ACTN4: variants seen among roughly 807,000 people sequenced by gnomAD.
ACTN4 encodes the protein actinin alpha 4.
ACTN4 carries 18 observed loss-of-function variants against 114.2 expected under a neutral mutation model. The observed-to-expected ratio is 0.16, with a 90% confidence interval of 0.11 to 0.23. The LOEUF (loss-of-function observed/expected upper bound fraction) is 0.23, where lower values mean the gene tolerates loss of function less well. Among genes scored for constraint, ACTN4 ranks in the 10% least tolerant of loss-of-function variants. The pLI is 1.00. For missense variants in ACTN4, 722 were observed against 1,262.9 expected (o/e 0.57, Z 6.49); for synonymous variants, 515 against 506.3 (o/e 1.02, Z -0.23).
In ACTN4 at chr19:38,710,338, A is replaced by G. The variant is rs1175215252; in HGVS notation, c.815A>G (p.Gln272Arg). ...TTCTACCATGCCTTTTCAGGAGCGCAGAAGGTACCGAGCAGGGCCAGGCAG... is the reference window on the plus strand; with the variant it reads ...TTCTACCATGCCTTTTCAGGAGCGCGGAAGGTACCGAGCAGGGCCAGGCAG... ...SSFYHAFSGA[Q>R]KAETAANRIC... is the part of the protein sequence containing the mutation. Residue 272 changes from glutamine (Q) to arginine (R), a missense_variant, in exon 8 of 21, where the codon CAG (glutamine) becomes CGG (arginine). Coordinates refer to ENST00000252699, the MANE Select transcript of ACTN4 (RefSeq NM_004924.6). 1 of 1,613,680 alleles carries G rather than the reference A, an allele frequency of 6.2e-7. No individual in the cohort carries two copies. The highest frequency in any genetic ancestry group is 1.7e-5 in the Admixed American group (1 of 60,032).
intron 1 of ACTN4, among the ~76,000 whole-genome samples, chr19:38,683,697 G>A (rs999962286): frequency 1.4e-4 from 22 of 152,210 alleles, no homozygotes; most frequent in Admixed American, 1.2e-3. Context: ...ATTTGGTATG[G>A]GGTCAGTTAA....
intron 1 of ACTN4, among the ~76,000 whole-genome samples, chr19:38,697,403 T>A (rs1968131152): frequency 6.6e-6 from 1 of 152,280 alleles, no homozygotes; most frequent in African/African-American, 2.4e-5. Context: ...TGGCTCTTAC[T>A]TTATGCCAAG....
At chr19:38,712,003 A>G (rs966127856) in intron 8 of ACTN4, among the ~76,000 whole-genome samples, 6 of 152,208 alleles carry the variant, frequency 3.9e-5, no homozygotes, top group African/African-American at 1.4e-4. Flanking sequence ...TCTCTGAAGT[A>G]TCTCAGGCAG....
At chr19:38,651,439 C>T (rs965105542) in intron 1 of ACTN4, among the ~76,000 whole-genome samples, 1 of 152,180 alleles carries the variant, frequency 6.6e-6, no homozygotes, top group Admixed American at 6.5e-5. Flanking sequence ...GGCCACAGTT[C>T]CCTCTCCCAA....
chr19:38,720,413 C>T (rs1969000580), intron 11 of ACTN4, among the ~76,000 whole-genome samples: 2 of 152,242 alleles, frequency 1.3e-5, no homozygotes, highest in Non-Finnish European at 2.9e-5. Context: ...GTTCCTGCCC[C>T]TGGGAGAAAG....
Position 38,727,602 on chromosome 19 carries a change from A to C in ACTN4, c.2338-344A>C, listed in dbSNP as rs944035927. Among the ~76,000 whole-genome samples the C allele has an allele frequency of 2.4e-4, 34 of 142,070 alleles. No individual in the cohort carries two copies. Among genetic ancestry groups the C allele is most frequent in the Admixed American group, 3.5e-4 (5 of 14,248 alleles). 93.2% of individuals were successfully genotyped at this position (142,070 alleles called of 152,430 possible). On this transcript the variant is annotated intron_variant, in intron 18 of 20. Transcript: ENST00000252699. The surrounding 1 kb of genome is among the most constrained non-coding windows in gnomAD (Gnocchi z 5.4). ...GACAGGATACAGTCCCCTCTGTCCC[A>C]CTCCAAATCCCAAAGGCAAGGAGAA... is the stretch of plus-strand genomic sequence containing the variant.
At chr19:38,665,917 G>A (rs1417452252) in intron 1 of ACTN4, among the ~76,000 whole-genome samples, 2 of 152,282 alleles carry the variant, frequency 1.3e-5, no homozygotes, top group East Asian at 1.9e-4. Flanking sequence ...CCACAGCCTG[G>A]AGTCAGGCTG....
chr19:38,728,481 GCTTCCTCGTCCT>G (rs1474581559), intron 19 of ACTN4: 1 of 770,106 alleles, frequency 1.3e-6, no homozygotes, highest in Admixed American at 3.1e-5. Context: ...CGCCTCCAGA[GCTTCCTCGTCCT>G]CGGGGACACT....
chr19:38,672,625 G>A (rs1207821415), intron 1 of ACTN4, among the ~76,000 whole-genome samples: 2 of 151,810 alleles, frequency 1.3e-5, no homozygotes, highest in Non-Finnish European at 2.9e-5. Context: ...CCAGGCTGGA[G>A]TGTAATGGCA....
In ACTN4 at chr19:38,727,092, C is replaced by T; in HGVS notation, c.2326C>T (p.His776Tyr). Residue 776 changes from histidine (H) to tyrosine (Y), a missense_variant, in exon 18 of 21, where the codon CAC becomes TAC. Coordinates refer to ENST00000252699, the MANE Select transcript of ACTN4 (RefSeq NM_004924.6). This position sits in a 1 kb window ranked among gnomAD's most constrained non-coding sequence, Gnocchi z 5.4. ...QMQEFRASFN[H>Y]FDKDHGGALG... is the part of the protein sequence containing the mutation. ...GCAGGAGTTCCGGGCGTCCTTCAAC[C>T]ACTTCGACAAGGTGAGCAGCCTGCC... 6.2e-7 allele frequency: 1 copy of T among 1,614,030 alleles called. No individual in the cohort carries two copies. The highest frequency in any genetic ancestry group is 8.5e-7 in the Non-Finnish European group (1 of 1,180,016).
intron 1 of ACTN4, among the ~76,000 whole-genome samples, chr19:38,696,196 G>A (rs1285161090): frequency 2.6e-5 from 4 of 152,088 alleles, no homozygotes; most frequent in East Asian, 1.9e-4. Flanking sequence ...TGGACTGATC[G>A]CTTGATTAAT....
chr19:38,727,770 C>T lies in ACTN4; in HGVS notation c.2338-176C>T. On this transcript the variant is annotated intron_variant, in intron 18 of 20. Coordinates refer to ENST00000252699, the MANE Select transcript of ACTN4 (RefSeq NM_004924.6). This position sits in a 1 kb window ranked among gnomAD's most constrained non-coding sequence, Gnocchi z 5.4. ...AGGTTGGGGAAAGGATGAAAGGGGC[C>T]CGTGCCGCCCCCGACCCCACGTGTC... 1.6e-6 allele frequency: 1 copy of T among 639,394 alleles called. No individual in the cohort carries two copies. The highest frequency in any genetic ancestry group is 2.8e-6 in the Non-Finnish European group (1 of 361,198). The allele number at this position is 639,394 out of a possible 1,614,324, so 39.6% of individuals were successfully genotyped here.
chr19:38,711,473 C>A, intron 8 of ACTN4: 1 of 422,244 alleles, frequency 2.4e-6, no homozygotes, highest in Non-Finnish European at 3.2e-6. Context: ...CCGTGGGCCG[C>A]CACACCACAC....
intron 17 of ACTN4, 85 bp from the exon 18 acceptor site, chr19:38,726,872 G>T: frequency 6.3e-7 from 1 of 1,585,912 alleles, no homozygotes; most frequent in Non-Finnish European, 8.6e-7. Context: ...AGGGCGGGAG[G>T]ACAGTTCACA....
chr19:38,655,836 C>T (rs572042782), intron 1 of ACTN4, among the ~76,000 whole-genome samples: 4 of 152,332 alleles, frequency 2.6e-5, no homozygotes, highest in East Asian at 1.9e-4. Context: ...TAACTATGCA[C>T]ATCCTCCTGA....
At chr19:38,728,971 C>T in intron 19 of ACTN4, 25 bp from the exon 20 acceptor site, 1 of 1,611,788 alleles carries the variant, frequency 6.2e-7, no homozygotes, top group Non-Finnish European at 8.5e-7. Context: ...TGTCGGGTGT[C>T]CCCCACCCCA....
chr19:38,715,379 C>G (rs1195950121), intron 9 of ACTN4, among the ~76,000 whole-genome samples: 1 of 152,110 alleles, frequency 6.6e-6, no homozygotes, highest in Non-Finnish European at 1.5e-5. Flanking sequence ...CACCTGTAGT[C>G]CCAGCTACTT....
At chr19:38,669,224 T>TGATC (rs1460936406) in intron 1 of ACTN4, among the ~76,000 whole-genome samples, 2 of 152,140 alleles carry the variant, frequency 1.3e-5, no homozygotes, top group African/African-American at 4.8e-5. Flanking sequence ...TGACCTCAGG[T>TGATC]GATCCACTGC....
rs1969131090 is a variant in ACTN4, at chr19:38,723,814, C to G, written c.1551+92C>G. On this transcript the variant is annotated intron_variant, in intron 13 of 20. Transcript: ENST00000252699. ...TAGTGTCCAGACCTGTGAGCTCCCC[C>G]CACCTCCCACGGAGAGGATGTTCTC... is the stretch of plus-strand genomic sequence containing the variant. 3 of 1,458,196 alleles carry G rather than the reference C, an allele frequency of 2.1e-6. No homozygotes were observed. The South Asian group carries it at 3.6e-5, about 17-fold the overall frequency. The allele number at this position is 1,458,196 out of a possible 1,614,324, so 90.3% of individuals were successfully genotyped here. A position where few individuals can be genotyped will look rare whatever the true frequency, so the allele number is the denominator to read the frequency against.
Sources: gnomAD v4.1 joint callset for allele counts (sites outside exome capture counted in the v4.1 genomes callset) on GRCh38, gnomAD v4.1.1 for gene constraint, Gnocchi (gnomAD v3.1) non-coding constraint, MANE v1.5 for transcripts, NCBI Gene and HGNC (gene_info 2026-07-23, HGNC 2026-07-21) for gene names.